Variants in MAP3K15 observed in about 807,000 individuals in gnomAD.
MAP3K15 encodes the protein mitogen-activated protein kinase kinase kinase 15, also known as MAPK/ERK kinase kinase 15.
In MAP3K15, 124 loss-of-function variants were observed where a neutral mutation model predicts 99.5. The ratio of observed to expected loss-of-function variants is 1.25; its 90% confidence interval spans 1.08 to 1.45. The LOEUF is 1.45. MAP3K15 is among the 40% of genes most tolerant of loss of function. MAP3K15 has a pLI of 0.00. For missense variants in MAP3K15, 1,242 were observed against 1,079.7 expected (o/e 1.15, Z -2.11); for synonymous variants, 494 against 439.6 (o/e 1.12, Z -1.55).
intron 7 of MAP3K15, among the ~76,000 whole-genome samples, chrX:19,429,330 A>C (rs749036373): frequency 3.6e-5 from 4 of 110,765 alleles, no homozygotes; most frequent in Non-Finnish European, 5.7e-5. Context: ...AGTTAAAAAG[A>C]AAATGGCAGT....
chrX:19,428,242 A>G (rs184341011), intron 7 of MAP3K15, among the ~76,000 whole-genome samples: 5 of 112,003 alleles, frequency 4.5e-5, no homozygotes, highest in Admixed American at 1.9e-4. Flanking sequence ...CCTGAGCAGA[A>G]GACGAAGCTT....
In MAP3K15 at chrX:19,431,962, T is replaced by TA. The variant is rs1198226168; in HGVS notation, c.996-355dup. 1.3e-3 allele frequency among the ~76,000 whole-genome samples: 120 copies of TA among 94,508 alleles called. 2 individuals are homozygous for TA. The highest frequency in any genetic ancestry group is 5.4e-3 in the Middle Eastern group (1 of 186). 82.1% of individuals were successfully genotyped at this position (94,508 alleles called of 115,157 possible). On this transcript the variant is annotated intron_variant, in intron 6 of 28. Coordinates refer to ENST00000338883, the MANE Select transcript of MAP3K15 (RefSeq NM_001001671.4). The stretch of plus-strand genomic sequence containing the variant: ...CTGCTTTTTTTTTTTTTTTTTTTTT[T>TA]AAAAAGACAGTGAAATACATATACG...
intron 1 of MAP3K15, among the ~76,000 whole-genome samples, chrX:19,492,016 G>A (rs897122499): frequency 9.4e-6 from 1 of 106,751 alleles, no homozygotes; most frequent in African/African-American, 3.4e-5. Flanking sequence ...ACAGAGATGG[G>A]GTCTCACTCT....
In MAP3K15 at chrX:19,361,251, G is replaced by C. The variant is rs11094770; in HGVS notation, c.3857+88C>G. 63,999 of 766,658 alleles carry C rather than the reference G, an allele frequency of 0.083. 2,435 individuals are homozygous for C. The highest frequency in any genetic ancestry group is 0.11 in the Non-Finnish European group (56,417 of 533,096). The allele number at this position is 766,658 out of a possible 1,213,427, so 63.2% of individuals were successfully genotyped here. ...CTAATAGAACTCCAGAGTTTGGGGGGAGGCCCAGCCCTTTGTTTTCTGCTC... is the reference window on the plus strand; with the variant it reads ...CTAATAGAACTCCAGAGTTTGGGGGCAGGCCCAGCCCTTTGTTTTCTGCTC... On this transcript the variant is annotated intron_variant, in intron 28 of 28. Coordinates refer to ENST00000338883, the MANE Select transcript of MAP3K15 (RefSeq NM_001001671.4).
At chrX:19,470,962 A>T (rs1310756238) in intron 3 of MAP3K15, among the ~76,000 whole-genome samples, 1 of 111,825 alleles carries the variant, frequency 8.9e-6, no homozygotes, top group East Asian at 2.8e-4. Context: ...TTACCAAAAA[A>T]AAGGAGGGGG....
rs1048077222 is a variant in MAP3K15, at chrX:19,386,178, C to T, written c.2431+5824G>A. ...TTCCTTCAATCTGGCTCTCATAGGC[C>T]AGGCACGGTGGCTCACACCTGAATC... is the stretch of plus-strand genomic sequence containing the variant. On this transcript the variant is annotated intron_variant, in intron 18 of 28. Transcript: ENST00000338883. 3.6e-5 allele frequency among the ~76,000 whole-genome samples: 4 copies of T among 111,681 alleles called. No homozygotes were observed. The Admixed American group carries it at 3.8e-4, about 11-fold the overall frequency.
intron 21 of MAP3K15, chrX:19,373,159 A>G (rs1404915861): frequency 2.5e-5 from 4 of 162,173 alleles, no homozygotes; most frequent in Non-Finnish European, 4.3e-5. Context: ...GAGGAAGGAA[A>G]AGGAGGAAGG....
chrX:19,443,022 CTTTTTTTTT>C (rs35963207), intron 6 of MAP3K15, among the ~76,000 whole-genome samples: 2 of 17,240 alleles, frequency 1.2e-4, no homozygotes, highest in Non-Finnish European at 1.8e-4. Context: ...CCATGCCCGG[CTTTTTTTTT>C]TTTTTTTTTT....
In MAP3K15 at chrX:19,396,785, G is replaced by C. The variant is rs149383227; in HGVS notation, c.2066+1441C>G. Among the ~76,000 whole-genome samples, 345 of 111,895 alleles carry C rather than the reference G, an allele frequency of 3.1e-3. 1 individual carries two copies. Among genetic ancestry groups the C allele is most frequent in the African/African-American group, 0.011 (329 of 30,859 alleles). ...CACTGAAGGCAATCCTACAGCTGTG[G>C]TCTGACACACCTGTGGATCCCGGAA... is the stretch of plus-strand genomic sequence containing the variant. On this transcript the variant is annotated intron_variant, in intron 15 of 28. Transcript: ENST00000338883.
chrX:19,444,307 C>T (rs1007757721), intron 6 of MAP3K15, among the ~76,000 whole-genome samples: 2 of 111,746 alleles, frequency 1.8e-5, no homozygotes, highest in Non-Finnish European at 3.8e-5. Flanking sequence ...ATGGTTATCA[C>T]TGATGTTTCC....
In MAP3K15 at chrX:19,377,522, C is replaced by T. The variant is rs1040358805; in HGVS notation, c.2589+2598G>A. Among the ~76,000 whole-genome samples, 51 of 110,137 alleles carry T rather than the reference C, an allele frequency of 4.6e-4. 1 individual carries two copies. The highest frequency in any genetic ancestry group is 1.6e-3 in the African/African-American group (48 of 30,303). On this transcript the variant is annotated intron_variant, in intron 19 of 28. Coordinates refer to ENST00000338883, the MANE Select transcript of MAP3K15 (RefSeq NM_001001671.4). ...TTGTGCCACTGTACTCCAGTCTGGG[C>T]GACAGAGTGAGACTCTGTCAAAAAA... is the stretch of plus-strand genomic sequence containing the variant.
intron 6 of MAP3K15, among the ~76,000 whole-genome samples, chrX:19,432,557 CAA>C (rs58029753): frequency 1.5e-4 from 7 of 45,289 alleles, no homozygotes; most frequent in African/African-American, 6.5e-5. Flanking sequence ...TCTGTCTCAA[CAA>C]AAAAAAAAAA....
At chrX:19,383,893 T>C (rs2063476461) in intron 18 of MAP3K15, among the ~76,000 whole-genome samples, 1 of 111,826 alleles carries the variant, frequency 8.9e-6, no homozygotes, top group Non-Finnish European at 1.9e-5. Flanking sequence ...GGTGGGAGTG[T>C]AAATTAGTAC....
In MAP3K15 at chrX:19,361,530, A is replaced by C; in HGVS notation, c.3743T>G (p.Leu1248Trp). The change falls in exon 27 of 29, where the codon TTG (leucine) becomes TGG (tryptophan). Residue 1248 changes from leucine (L) to tryptophan (W), a missense_variant. Physicochemically the swap from Leu to Trp is moderately conservative, Grantham distance 61. Coordinates refer to ENST00000338883, the MANE Select transcript of MAP3K15 (RefSeq NM_001001671.4). The part of the protein sequence containing the change: ...QRTDKELIDW[L>W]RLQGADAKTI... ...CTTTGCATCAGCTCCTTGCAGCCGC[A>C]ACCAGTCTATAAGCTCTTTATCTGT... The C allele has an allele frequency of 8.3e-7, 1 of 1,211,805 alleles. No homozygotes were observed.
At chrX:19,430,535 A>G in intron 7 of MAP3K15, among the ~76,000 whole-genome samples, 1 of 112,155 alleles carries the variant, frequency 8.9e-6, no homozygotes, top group Non-Finnish European at 1.9e-5. Flanking sequence ...GTTGTTACGC[A>G]GCAAGTGATA....
At chrX:19,418,806 C>A (rs2063758556) in intron 9 of MAP3K15, among the ~76,000 whole-genome samples, 1 of 111,936 alleles carries the variant, frequency 8.9e-6, no homozygotes, top group African/African-American at 3.2e-5. Context: ...AGGTTACCCA[C>A]AAAGGGAAGC....
intron 3 of MAP3K15, among the ~76,000 whole-genome samples, chrX:19,481,115 CAAAAAAAA>C (rs60578003): frequency 1.8e-5 from 1 of 55,266 alleles, no homozygotes; most frequent in Admixed American, 2.5e-4. Context: ...GAACTTGTCT[CAAAAAAAA>C]AAAAAAAAAA....
At chrX:19,454,430 G>A (rs892420231) in intron 6 of MAP3K15, among the ~76,000 whole-genome samples, 1 of 111,795 alleles carries the variant, frequency 8.9e-6, no homozygotes, top group Non-Finnish European at 1.9e-5. Flanking sequence ...AATATTCCAT[G>A]CCATCAAGCA....
intron 18 of MAP3K15, among the ~76,000 whole-genome samples, chrX:19,381,741 G>A (rs1210920482): frequency 1.8e-5 from 2 of 112,245 alleles, no homozygotes; most frequent in Non-Finnish European, 3.8e-5. Flanking sequence ...TCAGTCAAGG[G>A]CTCTGCGAAT....
Sources: gnomAD v4.1 joint callset for allele counts (sites outside exome capture counted in the v4.1 genomes callset) on GRCh38, gnomAD v4.1.1 for gene constraint, MANE v1.5 for transcripts, NCBI Gene and HGNC (gene_info 2026-07-23, HGNC 2026-07-21) for gene names.